NBAS: variants seen among roughly 807,000 people sequenced by gnomAD.
NBAS encodes the protein NAG/BC035112 fusion.
In NBAS, 219 loss-of-function variants were observed where a neutral mutation model predicts 302.5. The observed-to-expected ratio is 0.72, with a 90% CI of 0.65 to 0.81. NBAS has a LOEUF of 0.81. NBAS is among the 30% of genes least tolerant of loss of function. The probability of loss-of-function intolerance (pLI) is 0.00; values close to 1 mark genes in which losing one functional copy is unlikely to be tolerated. For missense variants in NBAS, 2,932 were observed against 2,841.6 expected, an observed-to-expected ratio of 1.03 and a Z score of -0.72; for synonymous variants, 1,118 against 1,021.6, an observed-to-expected ratio of 1.09 and a Z score of -1.80.
At chr2:15,034,269 A>AAAG in the NBAS span, among the ~76,000 whole-genome samples, 1 of 100,620 alleles carries the variant, frequency 9.9e-6, no homozygotes, top group Non-Finnish European at 2.0e-5. Context: ...AGAAAGAAAG[A>AAAG]AAGAAAGAGA....
At chr2:14,808,328 T>C in the NBAS span, among the ~76,000 whole-genome samples, 1 of 152,262 alleles carries the variant, frequency 6.6e-6, no homozygotes, top group Non-Finnish European at 1.5e-5. Flanking sequence ...AATATCATTC[T>C]GAGAGACAGC....
At chr2:15,067,474 G>C in the NBAS span, among the ~76,000 whole-genome samples, 1 of 131,964 alleles carries the variant, frequency 7.6e-6, no homozygotes, top group Non-Finnish European at 1.6e-5. Context: ...GGAGAGGAGG[G>C]GAGAGGAGAA....
chr2:15,324,395 A>C (rs976640015), intron 38 of NBAS, among the ~76,000 whole-genome samples: 1 of 152,130 alleles, frequency 6.6e-6, no homozygotes, highest in Admixed American at 6.5e-5. Flanking sequence ...ACAAATCATG[A>C]AGTTTTAAAT....
At chr2:15,369,629 C>A (rs1405753288) in intron 31 of NBAS, among the ~76,000 whole-genome samples, 1 of 152,186 alleles carries the variant, frequency 6.6e-6, no homozygotes, top group African/African-American at 2.4e-5. Context: ...TAAATAAATT[C>A]AAGCCCTATC....
At chr2:15,122,757 T>C in the NBAS span, among the ~76,000 whole-genome samples, 2 of 152,158 alleles carry the variant, frequency 1.3e-5, no homozygotes, top group Non-Finnish European at 2.9e-5. Context: ...TAAACAAATC[T>C]TGAAACTCTC....
At chr2:14,871,249 A>ATATGG in the NBAS span, among the ~76,000 whole-genome samples, 31 of 152,154 alleles carry the variant, frequency 2.0e-4, no homozygotes, top group Non-Finnish European at 3.2e-4. Flanking sequence ...TCTAAAGAAA[A>ATATGG]TATGGCAAAC....
the NBAS span, among the ~76,000 whole-genome samples, chr2:15,069,013 T>C: frequency 6.6e-6 from 1 of 152,072 alleles, no homozygotes; most frequent in South Asian, 2.1e-4. Flanking sequence ...CTCTGATCTC[T>C]CTTCCTCTTC....
At chr2:15,031,240 T>A in the NBAS span, among the ~76,000 whole-genome samples, 1 of 152,350 alleles carries the variant, frequency 6.6e-6, no homozygotes, top group African/African-American at 2.4e-5. Flanking sequence ...AATCTCATGT[T>A]AACTGCCAAC....
Position 15,481,505 on chromosome 2 carries a change from A to G in NBAS, c.1084-3216T>C, listed in dbSNP as rs1680426193. Among the ~76,000 whole-genome samples the G allele has an allele frequency of 2.6e-5, 4 of 151,814 alleles. No individual in the cohort carries two copies. The East Asian group carries it at 7.7e-4, about 29-fold the overall frequency. ...CACCAAACTCCCCATGACCCACAAG[A>G]AAGCTCCTGGCACCATGTGAATACA... On this transcript the variant is annotated intron_variant, in intron 12 of 51. Coordinates refer to ENST00000281513, the MANE Select transcript of NBAS (RefSeq NM_015909.4).
the NBAS span, among the ~76,000 whole-genome samples, chr2:15,086,323 TG>T: frequency 2.6e-5 from 4 of 152,248 alleles, no homozygotes; most frequent in African/African-American, 7.2e-5. Context: ...ACCCTGGCTG[TG>T]GGAAGGAGCT....
At chr2:14,902,732 G>A in the NBAS span, among the ~76,000 whole-genome samples, 8 of 152,186 alleles carry the variant, frequency 5.3e-5, no homozygotes, top group South Asian at 6.2e-4. Context: ...GAGGAGTATC[G>A]AAAAATGGTA....
chr2:15,334,431 G>A (rs1019828155), intron 35 of NBAS, among the ~76,000 whole-genome samples: 2 of 151,826 alleles, frequency 1.3e-5, no homozygotes, highest in African/African-American at 4.8e-5. Context: ...CTCATGATCC[G>A]CCCGCCTCGG....
At chr2:15,348,602 G>A (rs1283000183) in intron 35 of NBAS, among the ~76,000 whole-genome samples, 3 of 151,768 alleles carry the variant, frequency 2.0e-5, no homozygotes, top group Non-Finnish European at 4.4e-5. Flanking sequence ...GCAATTCCAT[G>A]CTCAACAGAA....
At chr2:14,802,372 A>G in the NBAS span, among the ~76,000 whole-genome samples, 2 of 150,722 alleles carry the variant, frequency 1.3e-5, no homozygotes, top group Non-Finnish European at 3.0e-5. Context: ...GTTCTGTTCC[A>G]TTGATCTATA....
At chr2:14,796,804 T>C in the NBAS span, among the ~76,000 whole-genome samples, 1 of 151,804 alleles carries the variant, frequency 6.6e-6, no homozygotes, top group African/African-American at 2.4e-5. Flanking sequence ...AATGTTGCCT[T>C]TTCCATGGCT....
At chr2:15,275,905 T>G in intron 43 of NBAS, 87 bp from the exon 44 acceptor site, 1 of 1,162,378 alleles carries the variant, frequency 8.6e-7, no homozygotes. Flanking sequence ...TAGCCCTCTA[T>G]ATGTCTGAAC....
the NBAS span, among the ~76,000 whole-genome samples, chr2:14,816,020 T>C: frequency 2.4e-3 from 367 of 152,346 alleles, no homozygotes; most frequent in African/African-American, 8.1e-3. Context: ...TCCCTGCCTT[T>C]ATTCTTTTGC....
intron 35 of NBAS, among the ~76,000 whole-genome samples, chr2:15,335,267 T>C (rs1672529933): frequency 6.6e-6 from 1 of 152,136 alleles, no homozygotes; most frequent in Non-Finnish European, 1.5e-5. Flanking sequence ...TATTTTCTTC[T>C]ATTAATGTGC....
intron 25 of NBAS, among the ~76,000 whole-genome samples, chr2:15,407,008 A>G (rs1243629109): frequency 1.3e-5 from 2 of 152,166 alleles, no homozygotes; most frequent in Non-Finnish European, 2.9e-5. Context: ...GCCTTTTTAA[A>G]CCCAGCAGTC....
Sources: gnomAD v4.1 joint callset for allele counts (sites outside exome capture counted in the v4.1 genomes callset) on GRCh38, gnomAD v4.1.1 for gene constraint, MANE v1.5 for transcripts, NCBI Gene and HGNC (gene_info 2026-07-23, HGNC 2026-07-21) for gene names.